Variants in SNTG1 observed in about 807,000 individuals in gnomAD.
SNTG1 encodes the protein syntrophin gamma 1.
In SNTG1, 39 loss-of-function variants were observed where a neutral mutation model predicts 74.7. That is an observed-to-expected ratio of 0.52 (90% CI 0.40 to 0.68). SNTG1 has a LOEUF of 0.68. SNTG1 is among the 30% of genes least tolerant of loss of function. SNTG1 has a pLI of 0.00. For synonymous variants in SNTG1, 254 were observed against 217.1 expected, an observed-to-expected ratio of 1.17 and a Z score of -1.49; for missense variants, 685 against 609.5, an observed-to-expected ratio of 1.12 and a Z score of -1.30.
intron 1 of SNTG1, among the ~76,000 whole-genome samples, chr8:50,029,302 G>C (rs1478240967): frequency 1.3e-5 from 2 of 151,954 alleles, no homozygotes; most frequent in Non-Finnish European, 2.9e-5. Flanking sequence ...AATCACAGTG[G>C]AGTATCCATC....
chr8:50,253,895 G>A (rs1313059108), intron 2 of SNTG1, among the ~76,000 whole-genome samples: 1 of 151,908 alleles, frequency 6.6e-6, no homozygotes, highest in Non-Finnish European at 1.5e-5. Flanking sequence ...GGAGTAAAGC[G>A]AGGGGAGTAG....
intron 14 of SNTG1, among the ~76,000 whole-genome samples, chr8:50,658,034 G>A (rs2095194503): frequency 6.6e-6 from 1 of 151,972 alleles, no homozygotes; most frequent in East Asian, 1.9e-4. Flanking sequence ...GAAGACAGAG[G>A]AAAAATTGAT....
chr8:50,284,676 T>A (rs1274272613), intron 2 of SNTG1, among the ~76,000 whole-genome samples: 1 of 152,172 alleles, frequency 6.6e-6, no homozygotes, highest in East Asian at 1.9e-4. Context: ...GGGTATAAGC[T>A]TCTTGATCAT....
At chr8:50,669,163 C>T (rs1320920325) in intron 15 of SNTG1, among the ~76,000 whole-genome samples, 3 of 151,450 alleles carry the variant, frequency 2.0e-5, no homozygotes, top group Non-Finnish European at 4.4e-5. Flanking sequence ...CAAAAGCTAG[C>T]AGAAGGCAAG....
intron 1 of SNTG1, among the ~76,000 whole-genome samples, chr8:49,973,458 A>G (rs1296165159): frequency 6.6e-6 from 1 of 152,080 alleles, no homozygotes; most frequent in Non-Finnish European, 1.5e-5. Flanking sequence ...GCACATGTAT[A>G]CATATGTAAC....
intron 2 of SNTG1, among the ~76,000 whole-genome samples, chr8:50,226,720 G>A (rs1377421560): frequency 1.3e-5 from 2 of 152,060 alleles, no homozygotes; most frequent in Non-Finnish European, 2.9e-5. Flanking sequence ...TGTTTCTTAA[G>A]TGTATTTGGT....
chr8:50,031,233 T>G (rs1817716233), intron 1 of SNTG1, among the ~76,000 whole-genome samples: 1 of 152,042 alleles, frequency 6.6e-6, no homozygotes, highest in Admixed American at 6.5e-5. Context: ...TTTTAGGTCC[T>G]TAAGCATACA....
Position 50,579,165 on chromosome 8 carries a change from G to A in SNTG1, c.811-11714G>A, listed in dbSNP as rs544976794. Among the ~76,000 whole-genome samples the A allele has an allele frequency of 3.9e-5, 6 of 152,318 alleles. No homozygotes were observed. The South Asian group carries it at 1.2e-3, about 32-fold the overall frequency. ...TGAAGTCCAGGCTGAGATGGTCTCA[G>A]ATGGAGATGAGGAACTTGTTGGGAA... On this transcript the variant is annotated intron_variant, in intron 12 of 18. Transcript: ENST00000642720.
intron 1 of SNTG1, among the ~76,000 whole-genome samples, chr8:49,914,178 G>A (rs1443913194): frequency 2.0e-5 from 3 of 152,062 alleles, no homozygotes; most frequent in East Asian, 1.9e-4. Context: ...CAAAAAGGGG[G>A]TAGTGGAAAC....
At chr8:50,016,343 C>T (rs1185222446) in intron 1 of SNTG1, among the ~76,000 whole-genome samples, 1 of 152,128 alleles carries the variant, frequency 6.6e-6, no homozygotes, top group Non-Finnish European at 1.5e-5. Context: ...TTTCACTCAG[C>T]TCATGAGGCA....
At chr8:50,131,313 C>T (rs772778399) in intron 1 of SNTG1, among the ~76,000 whole-genome samples, 22 of 152,140 alleles carry the variant, frequency 1.4e-4, no homozygotes, top group Admixed American at 7.2e-4. Context: ...AATTTTTTTG[C>T]AGCTTTTTTG....
intron 2 of SNTG1, among the ~76,000 whole-genome samples, chr8:50,321,860 T>C (rs1029758106): frequency 3.3e-5 from 5 of 152,118 alleles, no homozygotes; most frequent in Admixed American, 3.3e-4. Flanking sequence ...TTTTTGTTGT[T>C]TCTATTTACA....
intron 10 of SNTG1, among the ~76,000 whole-genome samples, chr8:50,530,893 T>A (rs2094261294): frequency 6.6e-6 from 1 of 152,202 alleles, no homozygotes; most frequent in Admixed American, 6.5e-5. Context: ...TTCAAAACAC[T>A]CACACATTCT....
At chr8:49,967,354 G>A (rs1019483533) in intron 1 of SNTG1, among the ~76,000 whole-genome samples, 2 of 152,132 alleles carry the variant, frequency 1.3e-5, no homozygotes, top group Non-Finnish European at 1.5e-5. Flanking sequence ...ATGTGACACA[G>A]CCATTTGTTT....
At chr8:49,972,509 G>T (rs186320768) in intron 1 of SNTG1, among the ~76,000 whole-genome samples, 3 of 152,252 alleles carry the variant, frequency 2.0e-5, no homozygotes, top group African/African-American at 4.8e-5. Flanking sequence ...AGCCAAAATT[G>T]ACAAATGGGA....
intron 1 of SNTG1, among the ~76,000 whole-genome samples, chr8:49,963,617 T>C (rs1302282772): frequency 6.6e-6 from 1 of 152,194 alleles, no homozygotes. Flanking sequence ...CTTGCTCCTC[T>C]CCATTCTGTC....
chr8:50,710,119 T>C (rs1317430029), intron 17 of SNTG1, among the ~76,000 whole-genome samples: 1 of 152,188 alleles, frequency 6.6e-6, no homozygotes, highest in Non-Finnish European at 1.5e-5. Flanking sequence ...CAGTTGGCAT[T>C]GTCCTGCAAA....
chr8:50,019,934 C>T lies in SNTG1; in HGVS notation c.-103+107703C>T, dbSNP rs540404590. Among the ~76,000 whole-genome samples the T allele has an allele frequency of 2.6e-5, 4 of 152,210 alleles. No individual in the cohort carries two copies. In the East Asian group the frequency reaches 7.7e-4, roughly 29 times the overall value. ...TTATCCCACTTGTCAAACTGAGAGG[C>T]TGTGAAAATATTGTAATCTTTCCAA... On this transcript the variant is annotated intron_variant, in intron 1 of 18. Transcript: ENST00000642720.
chr8:50,080,702 T>G (rs1456351004), intron 1 of SNTG1, among the ~76,000 whole-genome samples: 3 of 152,308 alleles, frequency 2.0e-5, no homozygotes, highest in Non-Finnish European at 4.4e-5. Context: ...GGTTACATGA[T>G]CTTTGCTGCA....
Sources: gnomAD v4.1 joint callset for allele counts (sites outside exome capture counted in the v4.1 genomes callset) on GRCh38, gnomAD v4.1.1 for gene constraint, MANE v1.5 for transcripts, NCBI Gene and HGNC (gene_info 2026-07-23, HGNC 2026-07-21) for gene names.